TRHDE: variants seen among roughly 807,000 people sequenced by gnomAD.
TRHDE encodes thyrotropin-releasing hormone-degrading ectoenzyme.
A neutral mutation model predicts 125.7 loss-of-function variants in TRHDE; 72 were observed. The ratio of observed to expected loss-of-function variants is 0.57; its 90% CI spans 0.47 to 0.70. TRHDE has a LOEUF of 0.70. Ranked by LOEUF, TRHDE falls within the 30% of genes least tolerant of loss-of-function variation. TRHDE has a pLI of 0.00. For missense variants in TRHDE, 1,110 were observed against 1,327.1 expected, an observed-to-expected ratio of 0.84 and a Z score of 2.54; for synonymous variants, 509 against 509.1, an observed-to-expected ratio of 1.00 and a Z score of 0.00.
intron 2 of TRHDE, among the ~76,000 whole-genome samples, chr12:72,217,132 A>C (rs1877909741): frequency 6.6e-6 from 1 of 152,148 alleles, no homozygotes; most frequent in African/African-American, 2.4e-5. Context: ...TACTGGCAAG[A>C]AATCTTAAAA....
chr12:72,414,841 A>G (rs916310147), intron 3 of TRHDE, among the ~76,000 whole-genome samples: 1 of 152,158 alleles, frequency 6.6e-6, no homozygotes. Context: ...ATTAATTATT[A>G]CAACATAGTC....
At chr12:72,615,283 T>C (rs1183214420) in intron 12 of TRHDE, among the ~76,000 whole-genome samples, 3 of 152,158 alleles carry the variant, frequency 2.0e-5, no homozygotes, top group African/African-American at 7.2e-5. Context: ...TATTTTTAAT[T>C]TTTGTTAGCA....
Position 72,101,742 on chromosome 12 carries a change from T to C in TRHDE, n.175-3906T>C, listed in dbSNP as rs150146473. 3.8e-3 allele frequency among the ~76,000 whole-genome samples: 583 copies of C among 152,342 alleles called. 3 individuals carry two copies. Among genetic ancestry groups the C allele is most frequent in the African/African-American group, 0.013 (535 of 41,576 alleles). On this transcript the variant is annotated intron_variant and non_coding_transcript_variant, in intron 1 of 4. Transcript: ENST00000548156. The stretch of plus-strand genomic sequence containing the variant: ...ACTGAAGAGACATTCCAATTATTCA[T>C]GTCCCTTTGTTATTGTGCTATTATC...
chr12:72,233,450 G>C (rs188648832), intron 2 of TRHDE, among the ~76,000 whole-genome samples: 2 of 152,090 alleles, frequency 1.3e-5, no homozygotes, highest in African/African-American at 2.4e-5. Context: ...TGGCTAGAGC[G>C]CTGGGGCACA....
intron 12 of TRHDE, among the ~76,000 whole-genome samples, chr12:72,585,947 A>G (rs1210612524): frequency 2.0e-5 from 3 of 152,158 alleles, no homozygotes. Context: ...TTGGGTAATT[A>G]CTTATTGCTT....
intron 15 of TRHDE, among the ~76,000 whole-genome samples, chr12:72,623,974 C>T (rs868046330): frequency 5.9e-5 from 9 of 151,960 alleles, no homozygotes; most frequent in Middle Eastern, 3.2e-3. Context: ...ATTTTATATT[C>T]TCTGCTTTGC....
chr12:72,172,612 G>A (rs1453021223), intron 2 of TRHDE, among the ~76,000 whole-genome samples: 1 of 152,132 alleles, frequency 6.6e-6, no homozygotes, highest in Non-Finnish European at 1.5e-5. Flanking sequence ...AATATGAGTA[G>A]GGGTGGGAAA....
chr12:72,320,444 G>C (rs1277180545), intron 2 of TRHDE, among the ~76,000 whole-genome samples: 2 of 151,906 alleles, frequency 1.3e-5, no homozygotes, highest in Non-Finnish European at 2.9e-5. Flanking sequence ...ATCTGTACAT[G>C]TTCAGTGCAG....
At chr12:72,140,908 A>C (rs1053190923) in intron 2 of TRHDE, among the ~76,000 whole-genome samples, 1 of 152,210 alleles carries the variant, frequency 6.6e-6, no homozygotes, top group Non-Finnish European at 1.5e-5. Flanking sequence ...AAGGAGTAGT[A>C]ACTGCTGATG....
rs1319442212 is a variant in TRHDE, at chr12:72,566,631, A to ATATT, written c.2043-1937_2043-1936insTATT. Among the ~76,000 whole-genome samples the ATATT allele has an allele frequency of 6.5e-5, 8 of 123,742 alleles. No homozygotes were observed. The South Asian group carries it at 1.0e-3, about 16-fold the overall frequency. 81.2% of individuals were successfully genotyped at this position (123,742 alleles called of 152,430 possible). A position where few individuals can be genotyped will look rare whatever the true frequency, so the allele number is the denominator to read the frequency against. ...AATACATGGAAATTATGTTTATATTAGGGGCAATGATTCACAAACATTTTA... is the reference window on the plus strand; with the variant it reads ...AATACATGGAAATTATGTTTATATTATATTGGGGCAATGATTCACAAACATTTTA... On this transcript the variant is annotated intron_variant, in intron 9 of 18. Coordinates refer to ENST00000261180, the MANE Select transcript of TRHDE (RefSeq NM_013381.3).
intron 5 of TRHDE, among the ~76,000 whole-genome samples, chr12:72,490,873 A>G (rs1877643867): frequency 1.3e-5 from 2 of 151,370 alleles, no homozygotes; most frequent in African/African-American, 2.4e-5. Flanking sequence ...AAATTAAGTT[A>G]TGTAGGATGA....
At chr12:72,576,649 G>T (rs1430851629) in intron 12 of TRHDE, among the ~76,000 whole-genome samples, 2 of 151,946 alleles carry the variant, frequency 1.3e-5, no homozygotes, top group Non-Finnish European at 2.9e-5. Context: ...AATTTCAGGT[G>T]CTTTTCTATT....
intron 3 of TRHDE, among the ~76,000 whole-genome samples, chr12:72,451,370 A>G (rs1342399602): frequency 6.6e-6 from 1 of 152,146 alleles, no homozygotes; most frequent in Non-Finnish European, 1.5e-5. Context: ...AGCACCATTT[A>G]TTGAAGGGAC....
At chr12:72,297,297 A>C (rs1880336682) in intron 2 of TRHDE, among the ~76,000 whole-genome samples, 1 of 152,184 alleles carries the variant, frequency 6.6e-6, no homozygotes, top group Admixed American at 6.5e-5. Flanking sequence ...ACTACAAGTC[A>C]CCATAAAAGT....
At chr12:72,309,202 T>C (rs565403685) in intron 2 of TRHDE, among the ~76,000 whole-genome samples, 2 of 152,264 alleles carry the variant, frequency 1.3e-5, no homozygotes, top group African/African-American at 4.8e-5. Flanking sequence ...AAAGTCATTT[T>C]TGAGGTAGAA....
chr12:72,542,672 A>G (rs1869214020), intron 7 of TRHDE, among the ~76,000 whole-genome samples: 1 of 151,318 alleles, frequency 6.6e-6, no homozygotes, highest in Non-Finnish European at 1.5e-5. Context: ...TTCCATTTAA[A>G]GATTCAAATA....
chr12:72,331,151 A>G (rs1473312787), intron 2 of TRHDE, among the ~76,000 whole-genome samples: 1 of 152,140 alleles, frequency 6.6e-6, no homozygotes, highest in Non-Finnish European at 1.5e-5. Flanking sequence ...TGTATCATTT[A>G]CTCTCTTTAA....
chr12:72,126,111 G>T (rs78061744), intron 2 of TRHDE, among the ~76,000 whole-genome samples: 2,729 of 152,190 alleles, frequency 0.018, 72 homozygotes, highest in South Asian at 0.11. Flanking sequence ...AAAAATAATT[G>T]CATAGCCGCA....
In TRHDE at chr12:72,652,600, T is replaced by C. The variant is rs1874549773; in HGVS notation, c.2843+111T>C. On this transcript the variant is annotated intron_variant, in intron 16 of 18. Transcript: ENST00000261180. ...AATATATGCTAGTTATTTTAAAATA[T>C]ATCTTCCTAAACATGAGGAAAACTG... The C allele has an allele frequency of 1.8e-5, 13 of 740,940 alleles. No homozygotes were observed. The South Asian group carries it at 2.9e-4, about 16-fold the overall frequency. The allele number at this position is 740,940 out of a possible 1,614,324, so 45.9% of individuals were successfully genotyped here.
Sources: gnomAD v4.1 joint callset for allele counts (sites outside exome capture counted in the v4.1 genomes callset) on GRCh38, gnomAD v4.1.1 for gene constraint, MANE v1.5 for transcripts, NCBI Gene and HGNC (gene_info 2026-07-23, HGNC 2026-07-21) for gene names.